TFAP4: variants seen among roughly 807,000 people sequenced by gnomAD.
The protein encoded by TFAP4 is activating enhancer-binding protein 4.
Under a neutral mutation model 40.4 loss-of-function variants are expected in TFAP4, and 7 were observed. The observed-to-expected ratio is 0.17, with a 90% CI of 0.10 to 0.33. TFAP4 has a LOEUF of 0.33. Among genes scored for constraint, TFAP4 ranks in the 10% least tolerant of loss-of-function variants. TFAP4 has a pLI of 1.00. For missense variants in TFAP4, 374 were observed against 451.1 expected, an observed-to-expected ratio of 0.83 and a Z score of 1.55; for synonymous variants, 218 against 181.4, an observed-to-expected ratio of 1.20 and a Z score of -1.62.
At chr16:4,270,583 C>T (rs950917844) in intron 1 of TFAP4, among the ~76,000 whole-genome samples, 1 of 152,228 alleles carries the variant, frequency 6.6e-6, no homozygotes, top group South Asian at 2.1e-4. Flanking sequence ...TTGCAATGGA[C>T]GTTGCCATGT....
At chr16:4,265,639 A>T (rs1490876583) in intron 1 of TFAP4, 1 of 149,314 alleles carries the variant, frequency 6.7e-6, no homozygotes, top group Admixed American at 6.7e-5. Flanking sequence ...AAAAAAAAGG[A>T]CCAGGCATTC....
At chr16:4,271,292 G>A (rs941084857) in intron 1 of TFAP4, among the ~76,000 whole-genome samples, 1 of 152,228 alleles carries the variant, frequency 6.6e-6, no homozygotes, top group African/African-American at 2.4e-5. Flanking sequence ...ACCAGCCTGT[G>A]CCACACCGGC....
intron 1 of TFAP4, among the ~76,000 whole-genome samples, chr16:4,271,075 G>A (rs1330190557): frequency 6.6e-6 from 1 of 152,242 alleles, no homozygotes; most frequent in African/African-American, 2.4e-5. Context: ...TTATTACTGG[G>A]CCCTCCAGGT....
At chr16:4,262,855 C>T (rs1278094273) in intron 1 of TFAP4, 154 bp from the exon 2 acceptor site, 5 of 811,976 alleles carry the variant, frequency 6.2e-6, no homozygotes, top group Non-Finnish European at 9.6e-6. Flanking sequence ...GACACCGGGG[C>T]GGACTGAATC....
chr16:4,262,048 G>C (rs2052954762), intron 3 of TFAP4, 99 bp from the exon 4 acceptor site: 2 of 1,313,304 alleles, frequency 1.5e-6, no homozygotes, highest in Admixed American at 5.5e-5. Context: ...CAACACAGGT[G>C]AATCTTCATT....
At chr16:4,260,673 A>C in intron 4 of TFAP4, 78 bp from the exon 5 acceptor site, 3 of 1,465,598 alleles carry the variant, frequency 2.0e-6, no homozygotes, top group East Asian at 2.4e-5. Context: ...CAGCTCATTC[A>C]CTCCTGCTGA....
chr16:4,258,089 C>A lies in TFAP4; in HGVS notation c.983G>T (p.Arg328Leu). 6.2e-7 allele frequency: 1 copy of A among 1,613,326 alleles called. No individual in the cohort carries two copies. Among genetic ancestry groups the A allele is most frequent in the Non-Finnish European group, 8.5e-7 (1 of 1,179,848 alleles). The change falls in exon 7 of 7, where the codon CGG becomes CTG. Residue 328 changes from arginine (R) to leucine (L), a missense_variant. Transcript: ENST00000204517. ...CTCCCCGTCCCCCGACGGCTCCTCC[C>A]GGCTCTGGTCCATGGCGTCACTGTC... Reference protein sequence around the residue: ...ASDSDAMDQSREEPSGDGELP With the variant: ...ASDSDAMDQSLEEPSGDGELP
chr16:4,272,906 G>A lies in TFAP4; in HGVS notation c.-160C>T, dbSNP rs1458439144. 2.3e-6 allele frequency: 1 copy of A among 429,710 alleles called. No individual in the cohort carries two copies. Among genetic ancestry groups the A allele is most frequent in the Non-Finnish European group, 4.5e-6 (1 of 224,494 alleles). 26.6% of individuals were successfully genotyped at this position (429,710 alleles called of 1,614,324 possible). ...GGCGGCGAGGGGAGGGAGGCGGGCG[G>A]GAGGGGCGGGAGGGAGGTCTCTCCG... is the stretch of plus-strand genomic sequence containing the variant. On this transcript the variant is annotated 5_prime_UTR_variant, in exon 1 of 7. Coordinates refer to ENST00000204517, the MANE Select transcript of TFAP4 (RefSeq NM_003223.3).
intron 4 of TFAP4, 55 bp downstream of exon 4, chr16:4,261,724 C>T: frequency 6.7e-7 from 1 of 1,501,454 alleles, no homozygotes; most frequent in South Asian, 1.3e-5. Flanking sequence ...GGCGCGACCC[C>T]AGGCTCCACG....
intron 4 of TFAP4, 110 bp downstream of exon 4, chr16:4,261,669 A>T: frequency 8.0e-7 from 1 of 1,256,536 alleles, no homozygotes; most frequent in Non-Finnish European, 1.1e-6. Flanking sequence ...GCACCGCAGT[A>T]GGTGCTCCTG....
chr16:4,262,033 C>T lies in TFAP4; in HGVS notation c.355-84G>A, dbSNP rs2052954650. 1.0e-5 allele frequency: 14 copies of T among 1,405,512 alleles called. No homozygotes were observed. The South Asian group carries it at 2.0e-4, about 20-fold the overall frequency. 87.1% of individuals were successfully genotyped at this position (1,405,512 alleles called of 1,614,324 possible). ...GGGGTTCCATCGCAGCCCCCCAAAG[C>T]TGCCCAACACAGGTGAATCTTCATT... On this transcript the variant is annotated intron_variant, in intron 3 of 6. Coordinates refer to ENST00000204517, the MANE Select transcript of TFAP4 (RefSeq NM_003223.3).
intron 1 of TFAP4, 188 bp from the exon 2 acceptor site, chr16:4,262,889 C>A (rs1025735582): frequency 4.3e-5 from 27 of 632,326 alleles, no homozygotes; most frequent in Non-Finnish European, 2.2e-5. Context: ...TAAGATAGTC[C>A]GCTCAGAACC....
At chr16:4,260,704 C>A (rs1434196532) in intron 4 of TFAP4, 109 bp from the exon 5 acceptor site, 2 of 1,325,052 alleles carry the variant, frequency 1.5e-6, no homozygotes, top group Non-Finnish European at 2.0e-6. Context: ...ACAGGGCGGG[C>A]CCCTCTCAAC....
In TFAP4 at chr16:4,257,951, A is replaced by G. The variant is rs1364850884; in HGVS notation, c.*104T>C. 8.8e-7 allele frequency: 1 copy of G among 1,132,850 alleles called. No homozygotes were observed. Among genetic ancestry groups the G allele is most frequent in the Non-Finnish European group, 1.2e-6 (1 of 807,430 alleles). The allele number at this position is 1,132,850 out of a possible 1,614,324, so 70.2% of individuals were successfully genotyped here. On this transcript the variant is annotated 3_prime_UTR_variant, in exon 7 of 7. Coordinates refer to ENST00000204517, the MANE Select transcript of TFAP4 (RefSeq NM_003223.3). ...AGGTCATAAAAGAGACCCAAATGAC[A>G]TCGTAATTTTGTAAAAATTTCTCAC...
intron 1 of TFAP4, 95 bp downstream of exon 1, chr16:4,272,563 G>T: frequency 1.1e-6 from 1 of 895,898 alleles, no homozygotes; most frequent in Non-Finnish European, 1.6e-6. Flanking sequence ...GGGGTCGGCG[G>T]CGCGGGCCAT....
intron 1 of TFAP4, among the ~76,000 whole-genome samples, chr16:4,271,892 G>A (rs991429145): frequency 5.9e-5 from 9 of 152,186 alleles, no homozygotes; most frequent in Non-Finnish European, 1.2e-4. Flanking sequence ...ATCCCACAAT[G>A]CTGCACCAGC....
chr16:4,259,490 A>G lies in TFAP4; in HGVS notation c.822+600T>C, dbSNP rs560938647. Among the ~76,000 whole-genome samples the G allele has an allele frequency of 7.9e-5, 12 of 152,302 alleles. No individual in the cohort carries two copies. The South Asian group carries it at 2.3e-3, about 29-fold the overall frequency. ...TAACTTATTAAAGGCGTTTGTTATT[A>G]ATTGTATTACACAATTTGCAAAGTT... On this transcript the variant is annotated intron_variant, in intron 6 of 6. Coordinates refer to ENST00000204517, the MANE Select transcript of TFAP4 (RefSeq NM_003223.3).
At chr16:4,268,727 G>A (rs1326265326) in intron 1 of TFAP4, among the ~76,000 whole-genome samples, 2 of 152,046 alleles carry the variant, frequency 1.3e-5, no homozygotes, top group African/African-American at 4.8e-5. Context: ...AAGCAACTGG[G>A]AGTATAAGTG....
rs757964861 is a variant in TFAP4 at position 4,258,235 on chromosome 16, G to A, written c.837C>T (p.Ile279=). ...LDTIVQAIQH[I]EGTQEKQELE... ...GCTCCTGCTTTTCCTGGGTGCCCTCGATGTGCTGGATTGCCTGGACAGGGA... is the reference window on the plus strand; with the variant it reads ...GCTCCTGCTTTTCCTGGGTGCCCTCAATGTGCTGGATTGCCTGGACAGGGA... Residue 279 remains isoleucine, a synonymous_variant, in exon 7 of 7, where the codon ATC becomes ATT. Coordinates refer to ENST00000204517, the MANE Select transcript of TFAP4 (RefSeq NM_003223.3). The A allele has an allele frequency of 1.3e-6, 2 of 1,598,806 alleles. No homozygotes were observed. Among genetic ancestry groups the A allele is most frequent in the Non-Finnish European group, 1.7e-6 (2 of 1,170,170 alleles).
Sources: allele counts gnomAD v4.1 joint callset (sites outside exome capture counted in the v4.1 genomes callset), GRCh38; gene constraint gnomAD v4.1.1; transcripts MANE v1.5; gene names NCBI Gene and HGNC (gene_info 2026-07-23, HGNC 2026-07-21).